The following ZNF215 variants were observed in gnomAD, a reference collection of about 807,000 sequenced individuals.
ZNF215 encodes the protein zinc finger protein 215, also known as BWSCR2-associated zinc finger protein 2.
A neutral mutation model predicts 27.2 loss-of-function variants in ZNF215; 24 were observed. The observed-to-expected ratio is 0.88, with a 90% CI of 0.64 to 1.24. ZNF215 has a LOEUF of 1.24. Ranked by LOEUF, ZNF215 falls within the 50% of genes most tolerant of loss-of-function variation. ZNF215 has a pLI of 0.00. For missense variants in ZNF215, 675 were observed against 605.7 expected (o/e 1.11, Z -1.20); for synonymous variants, 210 against 204.0 (o/e 1.03, Z -0.25).
chr11:6,934,407 T>C (rs1201687835), intron 3 of ZNF215, among the ~76,000 whole-genome samples: 1 of 152,212 alleles, frequency 6.6e-6, no homozygotes, highest in Non-Finnish European at 1.5e-5. Flanking sequence ...GCTACTATAA[T>C]AAATTACCAC....
At chr11:6,967,015 G>A (rs1478475798) in intron 5 of ZNF215, among the ~76,000 whole-genome samples, 1 of 151,848 alleles carries the variant, frequency 6.6e-6, no homozygotes, top group Non-Finnish European at 1.5e-5. Context: ...CTGTGTCCAT[G>A]TGTTCTCTTT....
At chr11:6,981,799 A>C (rs1359730099) in intron 5 of ZNF215, among the ~76,000 whole-genome samples, 1 of 151,980 alleles carries the variant, frequency 6.6e-6, no homozygotes, top group Non-Finnish European at 1.5e-5. Flanking sequence ...GGTGTAAGGA[A>C]GGGATCCAGT....
intron 6 of ZNF215, among the ~76,000 whole-genome samples, chr11:6,947,954 C>G (rs1849881669): frequency 6.6e-6 from 1 of 152,188 alleles, no homozygotes; most frequent in African/African-American, 2.4e-5. Context: ...TTGGGCTTCT[C>G]ACAGCAAGGT....
chr11:6,976,795 G>A (rs966788234), intron 5 of ZNF215, among the ~76,000 whole-genome samples: 5 of 152,046 alleles, frequency 3.3e-5, no homozygotes, highest in African/African-American at 4.8e-5. Context: ...ACATGTATAT[G>A]TTTTCTGTTT....
chr11:6,978,865 T>A (rs1028757243), intron 5 of ZNF215, among the ~76,000 whole-genome samples: 1 of 152,116 alleles, frequency 6.6e-6, no homozygotes, highest in East Asian at 1.9e-4. Context: ...TACTTAATTT[T>A]AAAACATTAA....
In ZNF215 at chr11:6,957,003, C is replaced by G. The variant is rs1340918178; in HGVS notation, c.*472C>G. On this transcript the variant is annotated 3_prime_UTR_variant, in exon 7 of 7. Transcript: ENST00000278319. ...AGAGAATACTTCTAAGGACAGAAAT[C>G]TCTGAATCAATGGCTAAGACAACAG... 4.1e-6 allele frequency: 4 copies of G among 986,924 alleles called. No individual in the cohort carries two copies. Among genetic ancestry groups the G allele is most frequent in the African/African-American group, 1.7e-5 (1 of 57,222 alleles). 61.1% of individuals were successfully genotyped at this position (986,924 alleles called of 1,614,324 possible).
chr11:6,943,435 C>T lies in ZNF215; in HGVS notation c.617-111C>T, dbSNP rs550121620. 10 of 1,175,242 alleles carry T rather than the reference C, an allele frequency of 8.5e-6. No homozygotes were observed. The East Asian group carries it at 2.4e-4, about 28-fold the overall frequency. The allele number at this position is 1,175,242 out of a possible 1,614,324, so 72.8% of individuals were successfully genotyped here. A position where few individuals can be genotyped will look rare whatever the true frequency, so the allele number is the denominator to read the frequency against. On this transcript the variant is annotated intron_variant, in intron 5 of 6. Transcript: ENST00000278319. ...GTCTATGGTGCTCTTCTGGCCTTAC[C>T]CTTCAGCAGCTTGGATTACTGTGTC...
In ZNF215 at chr11:6,956,051, G is replaced by T. The variant is rs1328996299; in HGVS notation, c.1074G>T (p.Gly358=). 6.2e-7 allele frequency: 1 copy of T among 1,609,250 alleles called. No individual in the cohort carries two copies. The highest frequency in any genetic ancestry group is 8.5e-7 in the Non-Finnish European group (1 of 1,178,492). Residue 358 remains glycine, a synonymous_variant, in exon 7 of 7, where the codon GGG becomes GGT. Transcript: ENST00000278319. ...AGCAACATTCAGAATATGAATATGG[G>T]AATGACTTGAGTTTGAGTACAGATA... ...VGKQHSEYEY[G]NDLSLSTDIR...
At chr11:6,959,693 T>G (rs1413351668), downstream of ZNF215, among the ~76,000 whole-genome samples, 3 of 152,156 alleles carry the variant, frequency 2.0e-5, no homozygotes, top group African/African-American at 7.2e-5. Context: ...AAACTACAAA[T>G]GAAAAATTCT....
chr11:6,973,132 T>TGA (rs1459119015), intron 5 of ZNF215, among the ~76,000 whole-genome samples: 1 of 152,008 alleles, frequency 6.6e-6, no homozygotes, highest in African/African-American at 2.4e-5. Flanking sequence ...CACCTATGAG[T>TGA]GAGAACATGC....
At chr11:6,949,193 G>A (rs1261027185) in intron 6 of ZNF215, among the ~76,000 whole-genome samples, 6 of 151,804 alleles carry the variant, frequency 4.0e-5, no homozygotes, top group Non-Finnish European at 7.4e-5. Flanking sequence ...ATTGTGAATA[G>A]TGCCTCAATA....
downstream of ZNF215, among the ~76,000 whole-genome samples, chr11:6,989,671 T>C (rs1851097056): frequency 6.6e-6 from 1 of 152,294 alleles, no homozygotes; most frequent in African/African-American, 2.4e-5. Context: ...CCTAAACTTG[T>C]ATCCATGGCC....
At chr11:6,950,527 T>C (rs1265444329) in intron 6 of ZNF215, among the ~76,000 whole-genome samples, 2 of 152,030 alleles carry the variant, frequency 1.3e-5, no homozygotes, top group African/African-American at 4.8e-5. Context: ...GATTTGGTTC[T>C]CTGTTTGTCT....
chr11:6,940,389 C>T (rs541765058), intron 3 of ZNF215, among the ~76,000 whole-genome samples: 1 of 152,320 alleles, frequency 6.6e-6, no homozygotes, highest in East Asian at 1.9e-4. Flanking sequence ...ACTGCAGCCT[C>T]TACCTCCTAG....
At chr11:6,939,607 G>T (rs975114524) in intron 3 of ZNF215, among the ~76,000 whole-genome samples, 1 of 152,082 alleles carries the variant, frequency 6.6e-6, no homozygotes, top group African/African-American at 2.4e-5. Flanking sequence ...CTTTGATGAT[G>T]CCAAGATCCA....
intron 6 of ZNF215, among the ~76,000 whole-genome samples, chr11:6,952,630 C>T (rs553510950): frequency 3.3e-4 from 50 of 152,036 alleles, no homozygotes; most frequent in Non-Finnish European, 6.8e-4. Context: ...ATGTGTGTCT[C>T]TGCACATGAG....
chr11:6,933,697 A>G (rs1849343643), intron 3 of ZNF215, among the ~76,000 whole-genome samples: 1 of 150,562 alleles, frequency 6.6e-6, no homozygotes, highest in South Asian at 2.1e-4. Flanking sequence ...AGGGAGGCTG[A>G]GGCAGGAGAA....
intron 2 of ZNF215, 102 bp downstream of exon 2, chr11:6,927,909 TGTTTAATTA>T (rs1849115479): frequency 6.6e-6 from 1 of 152,224 alleles, no homozygotes; most frequent in Admixed American, 6.5e-5. Context: ...ATCTCATTCT[TGTTTAATTA>T]TATGTAAGGC....
At chr11:6,958,970 G>A (rs756227454), downstream of ZNF215, among the ~76,000 whole-genome samples, 6 of 152,094 alleles carry the variant, frequency 3.9e-5, no homozygotes, top group East Asian at 3.9e-4. Flanking sequence ...ATTGAGGGTC[G>A]GTCTGCCTTT....
Sources: allele counts gnomAD v4.1 joint callset (sites outside exome capture counted in the v4.1 genomes callset), GRCh38; gene constraint gnomAD v4.1.1; transcripts MANE v1.5; gene names NCBI Gene and HGNC (gene_info 2026-07-23, HGNC 2026-07-21).